MARK3: variants seen among roughly 807,000 people sequenced by gnomAD.
MARK3 encodes MAP/microtubule affinity-regulating kinase 3.
A neutral mutation model predicts 90.1 loss-of-function variants in MARK3; 46 were observed. The ratio of observed to expected loss-of-function variants is 0.51; its 90% CI spans 0.40 to 0.65. The LOEUF is 0.65. MARK3 is among the 30% of genes least tolerant of loss of function. MARK3 has a pLI of 0.00. For missense variants in MARK3, 818 were observed against 947.2 expected (o/e 0.86, Z 1.79); for synonymous variants, 321 against 332.6 (o/e 0.97, Z 0.38).
intron 7 of MARK3, among the ~76,000 whole-genome samples, chr14:103,463,253 G>A (rs1289168440): frequency 6.7e-6 from 1 of 150,290 alleles, no homozygotes; most frequent in Non-Finnish European, 1.5e-5. Flanking sequence ...CCTAGATTCT[G>A]TGTCTTAACT....
At chr14:103,451,350 A>G (rs2093142922) in intron 4 of MARK3, among the ~76,000 whole-genome samples, 1 of 152,196 alleles carries the variant, frequency 6.6e-6, no homozygotes, top group Non-Finnish European at 1.5e-5. Flanking sequence ...GATTCTTATA[A>G]AAAAGATTCC....
chr14:103,502,262 C>A (rs1489594349), intron 17 of MARK3, among the ~76,000 whole-genome samples: 2 of 152,170 alleles, frequency 1.3e-5, no homozygotes, highest in East Asian at 3.8e-4. Context: ...TCCATCTATT[C>A]CAGTAGTAAG....
intron 2 of MARK3, among the ~76,000 whole-genome samples, chr14:103,422,954 G>C (rs778698058): frequency 6.6e-6 from 1 of 152,136 alleles, no homozygotes; most frequent in African/African-American, 2.4e-5. Context: ...TGAAGTCGTA[G>C]TATGAATCCT....
chr14:103,475,632 A>AC (rs1488045388), intron 13 of MARK3, among the ~76,000 whole-genome samples: 1 of 151,838 alleles, frequency 6.6e-6, no homozygotes, highest in Non-Finnish European at 1.5e-5. Context: ...GGGTGAACTC[A>AC]CCCCCTCAAG....
chr14:103,469,875 A>G (rs999353129), intron 12 of MARK3, among the ~76,000 whole-genome samples: 3 of 151,790 alleles, frequency 2.0e-5, no homozygotes, highest in Non-Finnish European at 4.4e-5. Flanking sequence ...AGCCTGACCA[A>G]CGTGGTGAAA....
intron 2 of MARK3, among the ~76,000 whole-genome samples, chr14:103,424,525 CA>C (rs769305288): frequency 0.12 from 4,375 of 35,388 alleles, 89 homozygotes; most frequent in South Asian, 0.35. Flanking sequence ...GACCTCGTCT[CA>C]AAAAAAAAAA....
At chr14:103,411,608 G>T (rs559683905) in intron 2 of MARK3, among the ~76,000 whole-genome samples, 16 of 151,948 alleles carry the variant, frequency 1.1e-4, no homozygotes, top group Non-Finnish European at 1.5e-4. Flanking sequence ...CCCTCCTGAT[G>T]ATTCTTTTTT....
chr14:103,435,439 C>T (rs1019260263), intron 3 of MARK3, among the ~76,000 whole-genome samples: 8 of 152,146 alleles, frequency 5.3e-5, no homozygotes, highest in South Asian at 4.1e-4. Flanking sequence ...GACGGAGTCT[C>T]GCTCTGTCAC....
intron 3 of MARK3, among the ~76,000 whole-genome samples, chr14:103,447,920 A>T (rs1018850170): frequency 6.6e-6 from 1 of 152,014 alleles, no homozygotes; most frequent in African/African-American, 2.4e-5. Flanking sequence ...CTACAGACAC[A>T]TGCTACTGCA....
intron 13 of MARK3, among the ~76,000 whole-genome samples, chr14:103,476,416 GA>G (rs1441566469): frequency 6.6e-6 from 1 of 151,750 alleles, no homozygotes; most frequent in East Asian, 1.9e-4. Context: ...ATTTTAAGGT[GA>G]AAAAAAAGTT....
chr14:103,453,453 A>G (rs2093203205), intron 5 of MARK3, among the ~76,000 whole-genome samples: 1 of 152,240 alleles, frequency 6.6e-6, no homozygotes, highest in Non-Finnish European at 1.5e-5. Context: ...AAGTTGGATT[A>G]TAGTCTCATT....
At chr14:103,439,883 C>T (rs533062955) in intron 3 of MARK3, among the ~76,000 whole-genome samples, 7 of 152,060 alleles carry the variant, frequency 4.6e-5, no homozygotes, top group Non-Finnish European at 1.0e-4. Flanking sequence ...CTCCTGGATT[C>T]AAGTGATTCT....
chr14:103,476,949 A>C (rs1293070737), intron 13 of MARK3, among the ~76,000 whole-genome samples: 1 of 152,242 alleles, frequency 6.6e-6, no homozygotes, highest in African/African-American at 2.4e-5. Flanking sequence ...TTACCAGAGA[A>C]GATGAGGGCA....
intron 14 of MARK3, chr14:103,490,779 C>T: frequency 5.2e-6 from 1 of 192,186 alleles, no homozygotes; most frequent in Non-Finnish European, 1.0e-5. Context: ...AAAAAAGCAA[C>T]TATAGGTTAG....
Position 103,385,443 on chromosome 14 carries a change from T to TGCG in MARK3, c.-578_-576dup, listed in dbSNP as rs1357749316. ...TCCGTGAGGCTCTGAGGTGCCGGGG[T>TGCG]GCGGCGGCGGCAGCGGCGGCCAGCA... On this transcript the variant is annotated 5_prime_UTR_variant, in exon 1 of 18. Coordinates refer to ENST00000429436, the MANE Select transcript of MARK3 (RefSeq NM_001128918.3). The TGCG allele has an allele frequency of 1.3e-5, 2 of 154,292 alleles. No homozygotes were observed. Among genetic ancestry groups the TGCG allele is most frequent in the African/African-American group, 4.8e-5 (2 of 41,308 alleles). 9.6% of individuals were successfully genotyped at this position (154,292 alleles called of 1,614,324 possible). A position where few individuals can be genotyped will look rare whatever the true frequency, so the allele number is the denominator to read the frequency against.
intron 2 of MARK3, among the ~76,000 whole-genome samples, chr14:103,414,309 G>C (rs146153385): frequency 6.6e-6 from 1 of 151,436 alleles, no homozygotes; most frequent in Admixed American, 6.6e-5. Flanking sequence ...AGGTTCAAGC[G>C]ATTCCCCTGC....
At chr14:103,445,428 A>G (rs1271726155) in intron 3 of MARK3, among the ~76,000 whole-genome samples, 1 of 152,176 alleles carries the variant, frequency 6.6e-6, no homozygotes, top group Non-Finnish European at 1.5e-5. Flanking sequence ...GCCAGTATCT[A>G]CCTAATACAT....
At chr14:103,393,087 A>G (rs1253881854) in intron 1 of MARK3, among the ~76,000 whole-genome samples, 6 of 152,128 alleles carry the variant, frequency 3.9e-5, no homozygotes, top group African/African-American at 1.4e-4. Context: ...GGCTTCAAGC[A>G]ATTCTGCCTC....
At chr14:103,492,166 T>C (rs2094028097) in intron 15 of MARK3, 132 bp downstream of exon 15, 1 of 984,490 alleles carries the variant, frequency 1.0e-6, no homozygotes, top group Non-Finnish European at 1.5e-6. Context: ...TCTGGTTTTA[T>C]ATATATCTAA....
Sources: gnomAD v4.1 joint callset for allele counts (sites outside exome capture counted in the v4.1 genomes callset) on GRCh38, gnomAD v4.1.1 for gene constraint, MANE v1.5 for transcripts, NCBI Gene and HGNC (gene_info 2026-07-23, HGNC 2026-07-21) for gene names.